Variants in NKAIN1 observed in about 807,000 individuals in gnomAD.
NKAIN1 encodes the protein sodium/potassium-transporting ATPase subunit beta-1-interacting protein 1.
A neutral mutation model predicts 31.6 loss-of-function variants in NKAIN1; 13 were observed. That is an observed-to-expected ratio of 0.41 (90% CI 0.27 to 0.65). The LOEUF is 0.65. Ranked by LOEUF, NKAIN1 falls within the 30% of genes least tolerant of loss-of-function variation. The pLI is 0.30. For missense variants in NKAIN1, 193 were observed against 262.2 expected (o/e 0.74, Z 1.82); for synonymous variants, 104 against 109.0 (o/e 0.95, Z 0.28).
intron 1 of NKAIN1, among the ~76,000 whole-genome samples, chr1:31,207,028 C>A (rs1645430571): frequency 6.6e-6 from 1 of 152,218 alleles, no homozygotes; most frequent in African/African-American, 2.4e-5. Flanking sequence ...ATCCTGTAAT[C>A]CCACCTGGCT....
intron 1 of NKAIN1, among the ~76,000 whole-genome samples, chr1:31,195,752 C>T (rs1424677197): frequency 1.3e-5 from 2 of 151,662 alleles, no homozygotes; most frequent in African/African-American, 2.4e-5. Context: ...CATAAAGCCC[C>T]ACCTCTACAA....
intron 1 of NKAIN1, among the ~76,000 whole-genome samples, chr1:31,223,514 C>T (rs1351866267): frequency 6.6e-6 from 1 of 152,098 alleles, no homozygotes; most frequent in Non-Finnish European, 1.5e-5. Flanking sequence ...GCGCGATCTC[C>T]GCTTACTGCA....
chr1:31,188,416 C>T (rs969916575), intron 1 of NKAIN1: 10 of 506,710 alleles, frequency 2.0e-5, no homozygotes, highest in Middle Eastern at 5.3e-4. Flanking sequence ...ACACCTTCCT[C>T]CCTGCCAAGG....
intron 1 of NKAIN1, among the ~76,000 whole-genome samples, chr1:31,232,429 A>G (rs1236348855): frequency 1.9e-5 from 1 of 51,450 alleles, no homozygotes; most frequent in Non-Finnish European, 3.5e-5. Flanking sequence ...ATATATAGAG[A>G]GAGAGAGAGA....
chr1:31,193,538 T>C (rs1328407052), intron 1 of NKAIN1, among the ~76,000 whole-genome samples: 1 of 151,446 alleles, frequency 6.6e-6, no homozygotes, highest in Non-Finnish European at 1.5e-5. Context: ...CTACTAAAAA[T>C]ACAAAAAATT....
chr1:31,216,690 T>A (rs955885137), intron 1 of NKAIN1, among the ~76,000 whole-genome samples: 8 of 140,490 alleles, frequency 5.7e-5, no homozygotes, highest in Admixed American at 1.4e-4. Context: ...TGGCATTGAC[T>A]TTTATTTATT....
chr1:31,213,409 A>G (rs1398265350), intron 1 of NKAIN1, among the ~76,000 whole-genome samples: 1 of 141,140 alleles, frequency 7.1e-6, no homozygotes. Context: ...GGTGGCTCTA[A>G]TAAAAAAGGC....
At chr1:31,222,030 C>A (rs1645569133) in intron 1 of NKAIN1, among the ~76,000 whole-genome samples, 2 of 152,146 alleles carry the variant, frequency 1.3e-5, no homozygotes, top group African/African-American at 4.8e-5. Context: ...AGGCGCCCAC[C>A]ACCACACCTG....
At chr1:31,185,366 G>A (rs1375868835) in intron 2 of NKAIN1, 39 bp from the exon 3 acceptor site, 1 of 1,533,620 alleles carries the variant, frequency 6.5e-7, no homozygotes, top group Admixed American at 1.8e-5. Flanking sequence ...GGGGCCTGGG[G>A]AGTGGGGGAT....
chr1:31,208,360 A>G (rs1357543931), intron 1 of NKAIN1, among the ~76,000 whole-genome samples: 1 of 152,126 alleles, frequency 6.6e-6, no homozygotes, highest in Non-Finnish European at 1.5e-5. Flanking sequence ...GCTTATGGAA[A>G]CTTGTGTTCT....
chr1:31,188,016 G>C (rs1164085996), intron 2 of NKAIN1, 34 bp downstream of exon 2: 1 of 1,546,374 alleles, frequency 6.5e-7, no homozygotes, highest in Non-Finnish European at 8.7e-7. Context: ...GTGAGGAGAG[G>C]AGTTGGCTTG....
intron 1 of NKAIN1, among the ~76,000 whole-genome samples, chr1:31,221,624 C>T (rs951466329): frequency 1.3e-5 from 2 of 151,896 alleles, no homozygotes; most frequent in Admixed American, 6.6e-5. Flanking sequence ...TTAGTAGAGC[C>T]GGGGTTTCAC....
At chr1:31,220,521 G>A (rs1034870289) in intron 1 of NKAIN1, among the ~76,000 whole-genome samples, 3 of 151,870 alleles carry the variant, frequency 2.0e-5, no homozygotes, top group Non-Finnish European at 4.4e-5. Context: ...TTGGGAAGCC[G>A]AGGCCAGTGG....
intron 1 of NKAIN1, among the ~76,000 whole-genome samples, chr1:31,202,316 C>T (rs1046460329): frequency 6.6e-6 from 1 of 152,196 alleles, no homozygotes; most frequent in Non-Finnish European, 1.5e-5. Flanking sequence ...CATATATCTA[C>T]ATTAATTTGC....
intron 2 of NKAIN1, 133 bp downstream of exon 2, chr1:31,187,917 A>T (rs1645257259): frequency 1.5e-5 from 14 of 951,350 alleles, no homozygotes; most frequent in Middle Eastern, 3.3e-4. Context: ...CATTCACCCC[A>T]TCTTGTTTTG....
chr1:31,239,404 CAG>C lies in NKAIN1; in HGVS notation c.54+88_54+89del, dbSNP rs1645716469. On this transcript the variant is annotated intron_variant, in intron 1 of 6. Transcript: ENST00000373736. The surrounding 1 kb of genome is among the most constrained non-coding windows in gnomAD (Gnocchi z 4.8). ...CGGGCACACGCACCAGACACACACA[CAG>C]AGACACACGCAACCCCACCCGCACG... The C allele has an allele frequency of 9.8e-7, 1 of 1,021,466 alleles. No individual in the cohort carries two copies. The highest frequency in any genetic ancestry group is 1.3e-6 in the Non-Finnish European group (1 of 758,376). The allele number at this position is 1,021,466 out of a possible 1,614,324, so 63.3% of individuals were successfully genotyped here.
intron 1 of NKAIN1, among the ~76,000 whole-genome samples, chr1:31,194,413 CTT>C (rs1234303404): frequency 8.4e-5 from 11 of 130,632 alleles, no homozygotes; most frequent in Non-Finnish European, 1.3e-4. Flanking sequence ...TCCTTCCTTC[CTT>C]TTTTTTTTTT....
chr1:31,238,837 C>T (rs1569600846), intron 1 of NKAIN1, among the ~76,000 whole-genome samples: 2 of 152,112 alleles, frequency 1.3e-5, no homozygotes, highest in Non-Finnish European at 2.9e-5. Context: ...TCCTGGTGAC[C>T]CTCTCCAGGG....
At chr1:31,195,163 G>C (rs980892955) in intron 1 of NKAIN1, among the ~76,000 whole-genome samples, 45 of 145,572 alleles carry the variant, frequency 3.1e-4, no homozygotes, top group African/African-American at 1.1e-3. Flanking sequence ...TGTTGCCCAG[G>C]CTGGAGTGCA....
Sources: gnomAD v4.1 joint callset for allele counts (sites outside exome capture counted in the v4.1 genomes callset) on GRCh38, gnomAD v4.1.1 for gene constraint, Gnocchi (gnomAD v3.1) non-coding constraint, MANE v1.5 for transcripts, NCBI Gene and HGNC (gene_info 2026-07-23, HGNC 2026-07-21) for gene names.